Variants in LCN1 observed in about 807,000 individuals in gnomAD.
LCN1 encodes the protein lipocalin-1.
A neutral mutation model predicts 22.3 loss-of-function variants in LCN1; 25 were observed. That is an observed-to-expected ratio of 1.12 (90% CI 0.82 to 1.56). LCN1 has a LOEUF of 1.56. Among genes scored for constraint, LCN1 ranks in the 40% most tolerant of loss-of-function variants. LCN1 has a pLI of 0.00. For missense variants in LCN1, 219 were observed against 235.6 expected, an observed-to-expected ratio of 0.93 and a Z score of 0.46; for synonymous variants, 85 against 97.6, an observed-to-expected ratio of 0.87 and a Z score of 0.76.
At position 135,523,846 on chromosome 9, in the gene LCN1, G is replaced by T. The variant is rs374430782; in HGVS notation, c.293-34G>T. The T allele has an allele frequency of 5.7e-6, 9 of 1,577,498 alleles. No individual in the cohort carries two copies. In the African/African-American group the frequency reaches 8.1e-5, roughly 14 times the overall value. ...GGGATCCTCTCTGAAGTCCCTGGTG[G>T]CTAATTCAGGAATGTGCTGCTGTCT... On this transcript the variant is annotated intron_variant, in intron 3 of 6. Transcript: ENST00000371781.
chr9:135,526,399 C>T lies in LCN1; in HGVS notation c.*57C>T, dbSNP rs563077176. The T allele has an allele frequency of 3.6e-4, 457 of 1,285,322 alleles. 1 individual carries two copies. In the African/African-American group the frequency reaches 5.7e-3, roughly 16 times the overall value. 79.6% of individuals were successfully genotyped at this position (1,285,322 alleles called of 1,614,324 possible). ...CAAGGACGGCACCATCCAGCACCTC[C>T]GTCATTCACAGGGACATGGAAAAAG... On this transcript the variant is annotated 3_prime_UTR_variant, in exon 7 of 7. Transcript: ENST00000371781.
chr9:135,526,295 C>T (rs2118962406), intron 6 of LCN1, 49 bp from the exon 7 acceptor site: 6 of 871,922 alleles, frequency 6.9e-6, no homozygotes, highest in Non-Finnish European at 7.7e-6. Context: ...ATTGCATCCC[C>T]CTCCCACCCT....
At chr9:135,525,767 G>C (rs1021553732) in intron 6 of LCN1, among the ~76,000 whole-genome samples, 1 of 151,954 alleles carries the variant, frequency 6.6e-6, no homozygotes, top group Admixed American at 6.5e-5. Context: ...GGTGGTCCCT[G>C]CTCCATCCGC....
Position 135,522,675 on chromosome 9 carries a change from A to T in LCN1, c.221+498A>T, listed in dbSNP as rs113491743. On this transcript the variant is annotated intron_variant, in intron 2 of 6. Coordinates refer to ENST00000371781, the MANE Select transcript of LCN1 (RefSeq NM_002297.4). ...TCCACCCGCGTGGCTCACATCTGTG[A>T]CTTCCCACCTGTGTGATTTCACCCG... Among the ~76,000 whole-genome samples the T allele has an allele frequency of 5.9e-3, 905 of 152,136 alleles. 5 individuals carry two copies. The highest frequency in any genetic ancestry group is 0.021 in the African/African-American group (860 of 41,514).
chr9:135,521,984 G>A, intron 1 of LCN1, 63 bp from the exon 2 acceptor site: 1 of 1,567,888 alleles, frequency 6.4e-7, no homozygotes. Flanking sequence ...GGGGCTGCAG[G>A]CCAGGGAAGG....
At position 135,526,380 on chromosome 9, in the gene LCN1, C is replaced by T. The variant is rs1395789374; in HGVS notation, c.*38C>T. The T allele has an allele frequency of 3.5e-5, 45 of 1,280,704 alleles. No individual in the cohort carries two copies. Among genetic ancestry groups the T allele is most frequent in the Middle Eastern group, 2.1e-4 (1 of 4,702 alleles). The allele number at this position is 1,280,704 out of a possible 1,614,324, so 79.3% of individuals were successfully genotyped here. On this transcript the variant is annotated 3_prime_UTR_variant, in exon 7 of 7. Coordinates refer to ENST00000371781, the MANE Select transcript of LCN1 (RefSeq NM_002297.4). ...CCTTGGCTCCTCAGCAGCCCAAGGA[C>T]GGCACCATCCAGCACCTCCGTCATT...
In LCN1 at chr9:135,521,832, A is replaced by G. The variant is rs55678722; in HGVS notation, c.91-215A>G. Reference sequence around the variant, plus strand: ...GGCTGACTTCACTTCTTCCCTGGGGATGAGGGCTCCTGTGGTCCTGGCTGG... The same window carrying G: ...GGCTGACTTCACTTCTTCCCTGGGGGTGAGGGCTCCTGTGGTCCTGGCTGG... On this transcript the variant is annotated intron_variant, in intron 1 of 6. Transcript: ENST00000371781. Among the ~76,000 whole-genome samples the G allele has an allele frequency of 0.28, 42,874 of 151,532 alleles. 8,271 individuals carry two copies. Among genetic ancestry groups the G allele is most frequent in the African/African-American group, 0.55 (22,621 of 41,272 alleles).
At chr9:135,524,404 G>A (rs1831577565) in intron 4 of LCN1, among the ~76,000 whole-genome samples, 2 of 152,152 alleles carry the variant, frequency 1.3e-5, no homozygotes, top group South Asian at 4.1e-4. Flanking sequence ...AATTCCGGAC[G>A]CGGTGCCTCC....
intron 3 of LCN1, among the ~76,000 whole-genome samples, 163 bp from the exon 4 acceptor site, chr9:135,523,717 C>G (rs757515256): frequency 5.3e-5 from 8 of 152,166 alleles, no homozygotes; most frequent in Non-Finnish European, 1.2e-4. Context: ...GGTCCCATGG[C>G]CTGGGGCTCA....
intron 2 of LCN1, among the ~76,000 whole-genome samples, chr9:135,522,390 G>A (rs1305241482): frequency 2.6e-5 from 4 of 152,228 alleles, no homozygotes; most frequent in Non-Finnish European, 5.9e-5. Context: ...GACCCTGTGG[G>A]CTACCAGTGG....
rs377445147 is a variant in LCN1, at chr9:135,522,135, C to T, written c.179C>T (p.Thr60Met). 5.4e-5 allele frequency: 87 copies of T among 1,600,886 alleles called. 1 individual carries two copies. The African/African-American group carries it at 6.2e-4, about 11-fold the overall frequency. The part of the protein sequence containing the change: ...NLESVTPMTL[T>M]TLEGGNLEAK... The stretch of plus-strand genomic sequence containing the variant: ...GAATCGGTGACACCCATGACCCTCA[C>T]GACCCTGGAAGGGGGCAACCTGGAA... The change falls in exon 2 of 7, where the codon ACG becomes ATG. Residue 60 changes from threonine (T) to methionine (M), a missense_variant. Coordinates refer to ENST00000371781, the MANE Select transcript of LCN1 (RefSeq NM_002297.4).
chr9:135,524,091 C>G, intron 4 of LCN1, 101 bp downstream of exon 4: 1 of 846,740 alleles, frequency 1.2e-6, no homozygotes. Flanking sequence ...CCACTGGGAC[C>G]CAGGAACCCA....
chr9:135,522,235 C>T, intron 2 of LCN1, 58 bp downstream of exon 2: 4 of 1,559,784 alleles, frequency 2.6e-6, no homozygotes, highest in South Asian at 2.4e-5. Flanking sequence ...CTTCCCTTTC[C>T]CCACCCAGGA....
Position 135,526,378 on chromosome 9 carries a change from G to A in LCN1, c.*36G>A. 1 of 1,280,012 alleles carries A rather than the reference G, an allele frequency of 7.8e-7. No homozygotes were observed. Among genetic ancestry groups the A allele is most frequent in the Non-Finnish European group, 1.0e-6 (1 of 985,460 alleles). The allele number at this position is 1,280,012 out of a possible 1,614,324, so 79.3% of individuals were successfully genotyped here. On this transcript the variant is annotated 3_prime_UTR_variant, in exon 7 of 7. Transcript: ENST00000371781. The stretch of plus-strand genomic sequence containing the variant: ...CACCTTGGCTCCTCAGCAGCCCAAG[G>A]ACGGCACCATCCAGCACCTCCGTCA...
intron 3 of LCN1, 33 bp from the exon 4 acceptor site, chr9:135,523,847 C>G: frequency 6.3e-7 from 1 of 1,579,896 alleles, no homozygotes; most frequent in Non-Finnish European, 8.7e-7. Flanking sequence ...TCCCTGGTGG[C>G]TAATTCAGGA....
rs149613064 is a variant in LCN1, at chr9:135,524,871, G to A, written c.445G>A (p.Glu149Lys). ...CAACCTGGAAGCCTTGGAGGACTTT[G>A]AGAAAGCCGCAGGAGCCCGCGGACT... ...KNNLEALEDFEKAAGARGLST... is the reference protein window; with the variant it reads ...KNNLEALEDFKKAAGARGLST... The change falls in exon 5 of 7, where the codon GAG becomes AAG. Residue 149 changes from glutamate (E) to lysine (K), a missense_variant. Coordinates refer to ENST00000371781, the MANE Select transcript of LCN1 (RefSeq NM_002297.4). 1 of 1,608,396 alleles carries A rather than the reference G, an allele frequency of 6.2e-7. No homozygotes were observed. Among genetic ancestry groups the A allele is most frequent in the Non-Finnish European group, 8.5e-7 (1 of 1,177,572 alleles).
At chr9:135,524,530 C>T (rs1023183977) in intron 4 of LCN1, among the ~76,000 whole-genome samples, 3 of 152,170 alleles carry the variant, frequency 2.0e-5, no homozygotes, top group African/African-American at 7.2e-5. Context: ...TCCTGGTGCC[C>T]CCAAGGGGAG....
intron 3 of LCN1, among the ~76,000 whole-genome samples, 197 bp downstream of exon 3, chr9:135,523,499 G>A (rs1831551058): frequency 6.6e-6 from 1 of 152,256 alleles, no homozygotes; most frequent in Admixed American, 6.5e-5. Context: ...CACCAGGTGT[G>A]GCAGGTTTGT....
intron 2 of LCN1, among the ~76,000 whole-genome samples, chr9:135,522,973 G>C (rs938110406): frequency 6.6e-6 from 1 of 151,586 alleles, no homozygotes; most frequent in Non-Finnish European, 1.5e-5. Flanking sequence ...CAGGAAATGT[G>C]TTGGGGGCGG....
Sources: allele counts gnomAD v4.1 joint callset (sites outside exome capture counted in the v4.1 genomes callset), GRCh38; gene constraint gnomAD v4.1.1; transcripts MANE v1.5; gene names NCBI Gene and HGNC (gene_info 2026-07-23, HGNC 2026-07-21).